AGBL3: variants seen among roughly 807,000 people sequenced by gnomAD.
AGBL3 encodes the protein AGBL carboxypeptidase 3.
AGBL3 carries 68 observed loss-of-function variants against 94.5 expected under a neutral mutation model. That is an observed-to-expected ratio of 0.72 (90% CI 0.59 to 0.88). AGBL3 has a LOEUF of 0.88. Among genes scored for constraint, AGBL3 ranks in the 40% least tolerant of loss-of-function variants. AGBL3 has a pLI of 0.00. For missense variants in AGBL3, 934 were observed against 1,103.8 expected, an observed-to-expected ratio of 0.85 and a Z score of 2.18; for synonymous variants, 354 against 370.7, an observed-to-expected ratio of 0.95 and a Z score of 0.52.
chr7:135,106,466 G>GA (rs757775450), intron 15 of AGBL3, among the ~76,000 whole-genome samples: 1 of 152,172 alleles, frequency 6.6e-6, no homozygotes, highest in Non-Finnish European at 1.5e-5. Flanking sequence ...CATCTATTGA[G>GA]AAAATCACGT....
At chr7:135,036,188 A>G (rs1816287308) in intron 7 of AGBL3, among the ~76,000 whole-genome samples, 1 of 152,048 alleles carries the variant, frequency 6.6e-6, no homozygotes. Context: ...TGTAATTTTG[A>G]TTAGTTAAGT....
chr7:135,018,485 C>A (rs1010696602), intron 5 of AGBL3, among the ~76,000 whole-genome samples: 1 of 152,134 alleles, frequency 6.6e-6, no homozygotes, highest in Non-Finnish European at 1.5e-5. Context: ...TAGGTAGAAA[C>A]AGAATATCCA....
intron 16 of AGBL3, 82 bp downstream of exon 16, chr7:135,115,693 C>T (rs572746285): frequency 1.2e-4 from 137 of 1,176,896 alleles, no homozygotes; most frequent in Non-Finnish European, 1.3e-4. Context: ...TATTATCCTA[C>T]GAAAAAAAAA....
At chr7:135,011,183 T>C (rs1019853463) in intron 4 of AGBL3, 2 of 152,168 alleles carry the variant, frequency 1.3e-5, no homozygotes, top group Admixed American at 6.5e-5. Flanking sequence ...TTAAAGATGG[T>C]CTTTTCAGTA....
intron 16 of AGBL3, 49 bp downstream of exon 16, chr7:135,115,660 T>TA (rs1376243609): frequency 7.2e-7 from 1 of 1,385,476 alleles, no homozygotes; most frequent in Non-Finnish European, 9.7e-7. Flanking sequence ...ACATCTTTTT[T>TA]AAAAAAGCAG....
At chr7:135,106,520 G>T (rs1001990894) in intron 15 of AGBL3, among the ~76,000 whole-genome samples, 1 of 152,190 alleles carries the variant, frequency 6.6e-6, no homozygotes, top group African/African-American at 2.4e-5. Context: ...CACATTTCTT[G>T]ATTTGCATAT....
intron 16 of AGBL3, among the ~76,000 whole-genome samples, chr7:135,127,409 G>A (rs1378829878): frequency 7.2e-5 from 11 of 151,888 alleles, no homozygotes; most frequent in African/African-American, 1.9e-4. Flanking sequence ...AAAATTAGCC[G>A]GGGTGTGGTG....
chr7:135,035,394 G>C (rs928286270), intron 7 of AGBL3, among the ~76,000 whole-genome samples: 3 of 152,040 alleles, frequency 2.0e-5, no homozygotes, highest in African/African-American at 7.2e-5. Context: ...GTTTCTAAAA[G>C]ACTTCCAAGA....
chr7:135,132,615 A>C (rs1828930300), intron 16 of AGBL3, among the ~76,000 whole-genome samples: 1 of 152,204 alleles, frequency 6.6e-6, no homozygotes, highest in Non-Finnish European at 1.5e-5. Context: ...AGGCAGGGTC[A>C]GGTGGAGATA....
At chr7:135,013,748 G>A (rs1284581954) in intron 4 of AGBL3, among the ~76,000 whole-genome samples, 1 of 152,104 alleles carries the variant, frequency 6.6e-6, no homozygotes, top group East Asian at 1.9e-4. Flanking sequence ...ATAAAAAAGT[G>A]AGCTCTGGAT....
chr7:135,134,812 A>G (rs1234502490), intron 16 of AGBL3, 29 bp from the exon 17 acceptor site: 22 of 1,540,130 alleles, frequency 1.4e-5, no homozygotes, highest in Non-Finnish European at 6.1e-6. Context: ...ATGATGGACA[A>G]AAATTCACGT....
At chr7:135,078,346 C>A (rs1359103067) in intron 13 of AGBL3, among the ~76,000 whole-genome samples, 1 of 152,154 alleles carries the variant, frequency 6.6e-6, no homozygotes, top group Non-Finnish European at 1.5e-5. Flanking sequence ...AGGAGTAATG[C>A]TCCTTTTCCT....
chr7:135,077,649 T>C (rs1229424808), intron 13 of AGBL3, among the ~76,000 whole-genome samples: 1 of 152,184 alleles, frequency 6.6e-6, no homozygotes, highest in Non-Finnish European at 1.5e-5. Context: ...AGCAAATCCG[T>C]ACAGGTCTGC....
At chr7:135,073,148 C>T (rs1303231952) in intron 12 of AGBL3, among the ~76,000 whole-genome samples, 3 of 151,944 alleles carry the variant, frequency 2.0e-5, no homozygotes, top group South Asian at 2.1e-4. Context: ...TACCAGGGGT[C>T]GGGGAGATGT....
chr7:135,080,166 A>T (rs1362452029), intron 13 of AGBL3, 37 bp from the exon 14 acceptor site: 2 of 1,447,120 alleles, frequency 1.4e-6, no homozygotes, highest in African/African-American at 2.8e-5. Flanking sequence ...CATGTTGATA[A>T]AATAGCATTG....
At chr7:135,092,828 A>T (rs1822052895) in intron 15 of AGBL3, 1 of 152,142 alleles carries the variant, frequency 6.6e-6, no homozygotes, top group Admixed American at 6.6e-5. Flanking sequence ...CAATGACCAA[A>T]TAGGATTTAT....
intron 15 of AGBL3, among the ~76,000 whole-genome samples, chr7:135,106,168 T>G (rs1443437931): frequency 6.6e-6 from 1 of 152,196 alleles, no homozygotes; most frequent in East Asian, 1.9e-4. Flanking sequence ...TCATGTTGTC[T>G]GCAAACAGGC....
At chr7:135,101,376 C>T in intron 15 of AGBL3, 1 of 375,978 alleles carries the variant, frequency 2.7e-6, no homozygotes, top group East Asian at 7.4e-5. Context: ...ATTATGGGAA[C>T]TACTTTTGTA....
At chr7:135,014,634 T>G (rs1813559063) in intron 4 of AGBL3, among the ~76,000 whole-genome samples, 1 of 152,240 alleles carries the variant, frequency 6.6e-6, no homozygotes, top group African/African-American at 2.4e-5. Flanking sequence ...TTATTTTTTT[T>G]TCTTTTTCCT....
Sources: gnomAD v4.1 joint callset for allele counts (sites outside exome capture counted in the v4.1 genomes callset) on GRCh38, gnomAD v4.1.1 for gene constraint, MANE v1.5 for transcripts, NCBI Gene and HGNC (gene_info 2026-07-23, HGNC 2026-07-21) for gene names.